The following LRRFIP1 variants were observed in gnomAD, a reference collection of about 807,000 sequenced individuals.
LRRFIP1 encodes the protein LRR binding FLII interacting protein 1, also known as leucine-rich repeat flightless-interacting protein 1.
Under a neutral mutation model 104.4 loss-of-function variants are expected in LRRFIP1, and 62 were observed. The observed-to-expected ratio is 0.59, with a 90% CI of 0.48 to 0.73. The LOEUF is 0.73. Ranked by LOEUF, LRRFIP1 falls within the 30% of genes least tolerant of loss-of-function variation. The pLI is 0.00. For synonymous variants in LRRFIP1, 300 were observed against 299.0 expected (o/e 1.00, Z -0.03); for missense variants, 796 against 824.5 (o/e 0.97, Z 0.42).
At chr2:237,730,573 T>C (rs2094955251) in intron 8 of LRRFIP1, among the ~76,000 whole-genome samples, 2 of 151,832 alleles carry the variant, frequency 1.3e-5, no homozygotes, top group Admixed American at 1.3e-4. Flanking sequence ...GTAGATAGAA[T>C]GGGAGGGAGA....
intron 23 of LRRFIP1, 136 bp from the exon 24 acceptor site, chr2:237,779,286 G>A: frequency 7.4e-7 from 1 of 1,347,284 alleles, no homozygotes; most frequent in Non-Finnish European, 9.8e-7. Context: ...TTCAGAGGAG[G>A]AAGGGCATCA....
intron 15 of LRRFIP1, among the ~76,000 whole-genome samples, chr2:237,754,659 G>C (rs371615477): frequency 6.6e-6 from 1 of 152,126 alleles, no homozygotes; most frequent in Non-Finnish European, 1.5e-5. Flanking sequence ...CTGCTTCTTC[G>C]ACTGCTATAG....
At position 237,696,727 on chromosome 2, in the gene LRRFIP1, T is replaced by C. The variant is rs547191701; in HGVS notation, c.97-11817T>C. ...GACTCGGAACTGGTACTGATAACTGTCACCACTGTATGCAATGCTGCAGGC... is the reference window on the plus strand; with the variant it reads ...GACTCGGAACTGGTACTGATAACTGCCACCACTGTATGCAATGCTGCAGGC... On this transcript the variant is annotated intron_variant, in intron 1 of 23. Coordinates refer to ENST00000308482, the MANE Select transcript of LRRFIP1 (RefSeq NM_001137550.2). Among the ~76,000 whole-genome samples the C allele has an allele frequency of 2.6e-5, 4 of 152,330 alleles. No individual in the cohort carries two copies. In the East Asian group the frequency reaches 7.7e-4, roughly 29 times the overall value.
At chr2:237,674,708 C>T (rs2090874306) in intron 1 of LRRFIP1, among the ~76,000 whole-genome samples, 1 of 152,222 alleles carries the variant, frequency 6.6e-6, no homozygotes, top group African/African-American at 2.4e-5. Context: ...CATTACCTTC[C>T]ATTATGAATG....
At position 237,661,614 on chromosome 2, in the gene LRRFIP1, C is replaced by T. The variant is rs1028949461; in HGVS notation, c.96+33874C>T. 1.3e-5 allele frequency among the ~76,000 whole-genome samples: 2 copies of T among 152,168 alleles called. No homozygotes were observed. The highest frequency in any genetic ancestry group is 2.4e-5 in the African/African-American group (1 of 41,430). On this transcript the variant is annotated intron_variant, in intron 1 of 23. Coordinates refer to ENST00000308482, the MANE Select transcript of LRRFIP1 (RefSeq NM_001137550.2). This position sits in a 1 kb window ranked among gnomAD's most constrained non-coding sequence, Gnocchi z 4.4. ...ATGAAACCATCCTTGTCCTCACTGT[C>T]GATGGAATTTTTCAGTGATACCTAA...
chr2:237,698,006 G>A (rs201736817), intron 1 of LRRFIP1, among the ~76,000 whole-genome samples: 3 of 152,300 alleles, frequency 2.0e-5, no homozygotes, highest in East Asian at 3.9e-4. Flanking sequence ...AGCGCCAGTG[G>A]GAGTAGCTGC....
chr2:237,690,710 C>A (rs1257485086), intron 1 of LRRFIP1, among the ~76,000 whole-genome samples: 2 of 146,532 alleles, frequency 1.4e-5, no homozygotes, highest in Non-Finnish European at 1.5e-5. Flanking sequence ...GCACTCCAGC[C>A]TGGGCGACAG....
intron 1 of LRRFIP1, among the ~76,000 whole-genome samples, chr2:237,660,966 A>G (rs2087808516): frequency 6.6e-6 from 1 of 152,068 alleles, no homozygotes; most frequent in Non-Finnish European, 1.5e-5. Context: ...GAGAGGGAGG[A>G]GGAAGCTCTC....
At chr2:237,677,769 G>T (rs1291614640) in intron 1 of LRRFIP1, among the ~76,000 whole-genome samples, 1 of 152,066 alleles carries the variant, frequency 6.6e-6, no homozygotes, top group Non-Finnish European at 1.5e-5. Flanking sequence ...GTACCGGGAG[G>T]CCACCCTCCC....
rs760972423 is a variant in LRRFIP1, at chr2:237,685,120, AC to A, written c.97-23423del. Among the ~76,000 whole-genome samples the A allele has an allele frequency of 5.8e-3, 503 of 86,940 alleles. 11 individuals are homozygous for A. The East Asian group carries it at 0.075, about 13-fold the overall frequency. The allele number at this position is 86,940 out of a possible 152,430, so 57.0% of individuals were successfully genotyped here. ...TGTCTCCCTACCCTCCCCCCCCCAC[AC>A]AAAAAAACCCCAAAAATCAGAAGTG... On this transcript the variant is annotated intron_variant, in intron 1 of 23. Coordinates refer to ENST00000308482, the MANE Select transcript of LRRFIP1 (RefSeq NM_001137550.2).
intron 1 of LRRFIP1, among the ~76,000 whole-genome samples, chr2:237,694,833 CTG>C (rs754991915): frequency 2.6e-5 from 4 of 152,210 alleles, no homozygotes; most frequent in African/African-American, 7.2e-5. Context: ...TGTAACTTCC[CTG>C]TGTTTGCGAT....
intron 1 of LRRFIP1, among the ~76,000 whole-genome samples, chr2:237,700,167 TG>T (rs957902143): frequency 6.6e-6 from 1 of 152,156 alleles, no homozygotes; most frequent in Non-Finnish European, 1.5e-5. Context: ...ATCTGAGGGT[TG>T]GGGGGTTTGC....
At chr2:237,753,838 G>GTA (rs112545832) in intron 15 of LRRFIP1, among the ~76,000 whole-genome samples, 5,553 of 84,142 alleles carry the variant, frequency 0.066, 342 homozygotes, top group African/African-American at 0.22. Flanking sequence ...GTGTGTGTGT[G>GTA]TGTATGTATG....
intron 1 of LRRFIP1, among the ~76,000 whole-genome samples, chr2:237,669,385 A>G (rs1321666778): frequency 2.0e-5 from 3 of 152,188 alleles, no homozygotes; most frequent in African/African-American, 7.2e-5. Flanking sequence ...AGCTTTGTAA[A>G]TTTGACAGCT....
At position 237,728,008 on chromosome 2, in the gene LRRFIP1, T is replaced by G. The variant is rs552665228; in HGVS notation, c.444+73T>G. 2.6e-5 allele frequency: 29 copies of G among 1,095,112 alleles called. No individual in the cohort carries two copies. The South Asian group carries it at 3.8e-4, about 14-fold the overall frequency. 67.8% of individuals were successfully genotyped at this position (1,095,112 alleles called of 1,614,324 possible). ...AAAGCTTCTAGAACTAAAAACTAATTGCTAAATTTAAATTTAGCTTCTTTG... is the reference window on the plus strand; with the variant it reads ...AAAGCTTCTAGAACTAAAAACTAATGGCTAAATTTAAATTTAGCTTCTTTG... On this transcript the variant is annotated intron_variant, in intron 8 of 23. Coordinates refer to ENST00000308482, the MANE Select transcript of LRRFIP1 (RefSeq NM_001137550.2).
intron 7 of LRRFIP1, among the ~76,000 whole-genome samples, chr2:237,725,100 G>T (rs2094691204): frequency 6.6e-6 from 1 of 152,198 alleles, no homozygotes; most frequent in Non-Finnish European, 1.5e-5. Flanking sequence ...ATTTACCCTT[G>T]TATCTTATTT....
At chr2:237,732,487 G>T (rs1040754243) in intron 8 of LRRFIP1, among the ~76,000 whole-genome samples, 2 of 152,140 alleles carry the variant, frequency 1.3e-5, no homozygotes, top group Non-Finnish European at 2.9e-5. Context: ...ATTACATTTA[G>T]TGGATAGTTC....
chr2:237,644,751 C>T (rs957784079), intron 1 of LRRFIP1, among the ~76,000 whole-genome samples: 30 of 152,226 alleles, frequency 2.0e-4, no homozygotes, highest in African/African-American at 6.8e-4. Flanking sequence ...CATCAGTTCA[C>T]CTTGGACTCC....
In LRRFIP1 at chr2:237,780,638, G is replaced by A. The variant is rs1206365289; in HGVS notation, c.*1106G>A. 3.3e-5 allele frequency among the ~76,000 whole-genome samples: 5 copies of A among 152,176 alleles called. No individual in the cohort carries two copies. Among genetic ancestry groups the A allele is most frequent in the African/African-American group, 9.7e-5 (4 of 41,432 alleles). On this transcript the variant is annotated 3_prime_UTR_variant, in exon 24 of 24. Coordinates refer to ENST00000308482, the MANE Select transcript of LRRFIP1 (RefSeq NM_001137550.2). ...AGCCAGTCAGCTTTTCGGGACGTTA[G>A]CAAGTGGAAACTGAGTCAGTATCAT...
Sources: allele counts gnomAD v4.1 joint callset (sites outside exome capture counted in the v4.1 genomes callset), GRCh38; gene constraint gnomAD v4.1.1; non-coding constraint Gnocchi (gnomAD v3.1); transcripts MANE v1.5; gene names NCBI Gene and HGNC (gene_info 2026-07-23, HGNC 2026-07-21).